The following ABTB3 variants were observed in gnomAD, a reference collection of about 807,000 sequenced individuals.
ABTB3 encodes the protein ankyrin repeat and BTB domain containing 3, also known as ankyrin repeat- and BTB/POZ domain-containing protein 3.
chr12:107,329,187 A>T, the ABTB3 span, among the ~76,000 whole-genome samples: 8 of 152,170 alleles, frequency 5.3e-5, no homozygotes, highest in Non-Finnish European at 8.8e-5. Flanking sequence ...TTCCATTTCT[A>T]CTGCAGAGGA....
chr12:107,361,780 G>A, the ABTB3 span, among the ~76,000 whole-genome samples: 1 of 152,124 alleles, frequency 6.6e-6, no homozygotes, highest in Non-Finnish European at 1.5e-5. Context: ...GGCTGCTATC[G>A]ATTGGAGGTT....
the ABTB3 span, among the ~76,000 whole-genome samples, chr12:107,618,685 C>T: frequency 3.3e-5 from 5 of 152,154 alleles, no homozygotes; most frequent in African/African-American, 1.2e-4. Flanking sequence ...ACCTGGGGAG[C>T]TTGTCTGAAT....
At chr12:107,415,533 C>G in the ABTB3 span, among the ~76,000 whole-genome samples, 1 of 151,654 alleles carries the variant, frequency 6.6e-6, no homozygotes, top group African/African-American at 2.4e-5. Flanking sequence ...ATGGTGAAAC[C>G]CCGTCTCTAC....
At chr12:107,364,914 C>T in the ABTB3 span, among the ~76,000 whole-genome samples, 2 of 152,132 alleles carry the variant, frequency 1.3e-5, no homozygotes, top group African/African-American at 2.4e-5. Context: ...ATAACTTCCA[C>T]ACAAGCAAAG....
chr12:107,596,622 C>A, the ABTB3 span, among the ~76,000 whole-genome samples: 2 of 152,054 alleles, frequency 1.3e-5, no homozygotes, highest in East Asian at 1.9e-4. Flanking sequence ...CTCAAAAAAA[C>A]AACAACAACA....
At chr12:107,647,555 A>G in the ABTB3 span, among the ~76,000 whole-genome samples, 5 of 152,210 alleles carry the variant, frequency 3.3e-5, no homozygotes, top group South Asian at 1.0e-3. Context: ...CAGTATTTTT[A>G]AAATAACTTA....
the ABTB3 span, among the ~76,000 whole-genome samples, chr12:107,431,336 C>T: frequency 1.4e-4 from 22 of 152,284 alleles, no homozygotes; most frequent in South Asian, 1.9e-3. Context: ...CCAGGCCAGG[C>T]ATGGTGCCTC....
the ABTB3 span, among the ~76,000 whole-genome samples, chr12:107,653,298 C>T: frequency 1.7e-4 from 26 of 152,044 alleles, no homozygotes; most frequent in Non-Finnish European, 3.1e-4. Flanking sequence ...AGGTGGATCA[C>T]GAGGTCAGGA....
chr12:107,458,246 C>T, the ABTB3 span, among the ~76,000 whole-genome samples: 5 of 152,282 alleles, frequency 3.3e-5, no homozygotes, highest in East Asian at 1.9e-4. Flanking sequence ...TTCATCGTCC[C>T]CACTCCCAGG....
chr12:107,540,330 C>G, the ABTB3 span, among the ~76,000 whole-genome samples: 1 of 152,080 alleles, frequency 6.6e-6, no homozygotes, highest in African/African-American at 2.4e-5. Flanking sequence ...GAAAATTTAC[C>G]TTTCCTGTGC....
At chr12:107,382,534 C>G in the ABTB3 span, among the ~76,000 whole-genome samples, 1 of 152,114 alleles carries the variant, frequency 6.6e-6, no homozygotes, top group Admixed American at 6.5e-5. Flanking sequence ...GCTGAACTTG[C>G]TTATCAGCTT....
At chr12:107,407,550 G>C in the ABTB3 span, among the ~76,000 whole-genome samples, 1 of 152,190 alleles carries the variant, frequency 6.6e-6, no homozygotes, top group Non-Finnish European at 1.5e-5. Context: ...GAACAGGCAA[G>C]GCCTCGTCAG....
chr12:107,347,727 C>T, the ABTB3 span, among the ~76,000 whole-genome samples: 5 of 152,266 alleles, frequency 3.3e-5, no homozygotes, highest in African/African-American at 1.2e-4. Context: ...AAGGCAGTCA[C>T]AGGGTTGCCT....
chr12:107,423,456 GCGGAAAGT>G, the ABTB3 span, among the ~76,000 whole-genome samples: 2 of 152,188 alleles, frequency 1.3e-5, no homozygotes, highest in Admixed American at 6.5e-5. Flanking sequence ...CACTGAGAGA[GCGGAAAGT>G]CGTACAGTAT....
chr12:107,508,434 A>ATTTTTTTTTTTTTT, the ABTB3 span, among the ~76,000 whole-genome samples: 10 of 58,712 alleles, frequency 1.7e-4, no homozygotes, highest in Non-Finnish European at 3.4e-4. Context: ...CTCAAAGATC[A>ATTTTTTTTTTTTTT]TTTCTTTTTT....
At chr12:107,321,057 G>C in the ABTB3 span, among the ~76,000 whole-genome samples, 3 of 152,300 alleles carry the variant, frequency 2.0e-5, no homozygotes, top group South Asian at 6.2e-4. Flanking sequence ...TGCGAAAGCC[G>C]GAGCTAGACA....
chr12:107,358,803 C>T, the ABTB3 span, among the ~76,000 whole-genome samples: 4 of 152,300 alleles, frequency 2.6e-5, no homozygotes, highest in Non-Finnish European at 4.4e-5. Flanking sequence ...CCATGTTGAC[C>T]GGGCTGGTCT....
chr12:107,556,310 G>A, the ABTB3 span, among the ~76,000 whole-genome samples: 1 of 151,928 alleles, frequency 6.6e-6, no homozygotes, highest in Admixed American at 6.6e-5. Context: ...TGGTCAGGCT[G>A]GTCTCCAACT....
the ABTB3 span, among the ~76,000 whole-genome samples, chr12:107,408,340 G>A: frequency 9.2e-5 from 14 of 152,142 alleles, no homozygotes; most frequent in Middle Eastern, 3.4e-3. Context: ...CATCCTTATC[G>A]GGCTCATTCA....
Sources: allele counts gnomAD v4.1 joint callset (sites outside exome capture counted in the v4.1 genomes callset), GRCh38; gene constraint gnomAD v4.1.1; transcripts MANE v1.5; gene names NCBI Gene and HGNC (gene_info 2026-07-23, HGNC 2026-07-21).